Variants in SLC24A3 observed in about 807,000 individuals in gnomAD.
SLC24A3 encodes the protein sodium/potassium/calcium exchanger 3.
In SLC24A3, 28 loss-of-function variants were observed where a neutral mutation model predicts 75.8. That is an observed-to-expected ratio of 0.37 (90% confidence interval 0.27 to 0.51). The LOEUF is 0.51. Ranked by LOEUF, SLC24A3 falls within the 20% of genes least tolerant of loss-of-function variation. The probability of loss-of-function intolerance (pLI) is 0.94; values close to 1 mark genes in which losing one functional copy is unlikely to be tolerated. For missense variants in SLC24A3, 663 were observed against 847.8 expected, an observed-to-expected ratio of 0.78 and a Z score of 2.71; for synonymous variants, 372 against 334.1, an observed-to-expected ratio of 1.11 and a Z score of -1.24.
At chr20:19,242,868 A>G (rs1369875026) in intron 1 of SLC24A3, among the ~76,000 whole-genome samples, 4 of 152,260 alleles carry the variant, frequency 2.6e-5, no homozygotes, top group Non-Finnish European at 5.9e-5. Flanking sequence ...GTCAATTTAC[A>G]GAGTTGTAAA....
intron 2 of SLC24A3, among the ~76,000 whole-genome samples, chr20:19,312,167 G>C (rs895439517): frequency 3.3e-5 from 5 of 152,170 alleles, no homozygotes; most frequent in African/African-American, 4.8e-5. Context: ...CCCTCAGTGA[G>C]ATCCCAGCAT....
chr20:19,393,926 G>A (rs936668272), intron 2 of SLC24A3, among the ~76,000 whole-genome samples: 2 of 152,148 alleles, frequency 1.3e-5, no homozygotes, highest in African/African-American at 2.4e-5. Flanking sequence ...AAAGAATGAA[G>A]TTGGAAGTCT....
At chr20:19,330,375 T>C (rs1042258286) in intron 2 of SLC24A3, among the ~76,000 whole-genome samples, 20 of 152,198 alleles carry the variant, frequency 1.3e-4, no homozygotes, top group African/African-American at 4.8e-4. Context: ...AAACGCTTAT[T>C]TCCCCATTAA....
At chr20:19,387,272 T>G (rs375267800) in intron 2 of SLC24A3, among the ~76,000 whole-genome samples, 2 of 152,030 alleles carry the variant, frequency 1.3e-5, no homozygotes, top group South Asian at 4.1e-4. Context: ...TTATTTATCT[T>G]TTTGAAAAAC....
At chr20:19,667,217 C>A (rs1600329793) in intron 8 of SLC24A3, among the ~76,000 whole-genome samples, 1 of 152,296 alleles carries the variant, frequency 6.6e-6, no homozygotes, top group Non-Finnish European at 1.5e-5. Flanking sequence ...GATACTTTTG[C>A]TAACTCTCCT....
At chr20:19,306,401 A>C (rs1189397180) in intron 2 of SLC24A3, among the ~76,000 whole-genome samples, 1 of 152,202 alleles carries the variant, frequency 6.6e-6, no homozygotes, top group African/African-American at 2.4e-5. Context: ...ATAGGTACTC[A>C]TATGTTCATT....
chr20:19,298,350 T>C (rs142026656), intron 2 of SLC24A3, among the ~76,000 whole-genome samples: 2 of 152,354 alleles, frequency 1.3e-5, no homozygotes, highest in African/African-American at 4.8e-5. Context: ...GATTCTTTTT[T>C]ATGTGTTGGT....
At chr20:19,235,843 G>T (rs1982151091) in intron 1 of SLC24A3, among the ~76,000 whole-genome samples, 1 of 152,212 alleles carries the variant, frequency 6.6e-6, no homozygotes, top group South Asian at 2.1e-4. Context: ...GGAGCCTCCA[G>T]ATTTCTGCTC....
At chr20:19,285,477 CAAAAAAA>C (rs35866612) in intron 2 of SLC24A3, among the ~76,000 whole-genome samples, 67 of 43,038 alleles carry the variant, frequency 1.6e-3, no homozygotes, top group Middle Eastern at 0.024. Context: ...GACCCTGTCT[CAAAAAAA>C]AAAAAAAAAA....
At chr20:19,341,657 C>T (rs773220461) in intron 2 of SLC24A3, among the ~76,000 whole-genome samples, 9 of 152,198 alleles carry the variant, frequency 5.9e-5, no homozygotes, top group Admixed American at 1.3e-4. Flanking sequence ...CACCCAGGAA[C>T]GCTAATTTGG....
At chr20:19,589,033 C>T (rs921663128) in intron 6 of SLC24A3, among the ~76,000 whole-genome samples, 1 of 152,188 alleles carries the variant, frequency 6.6e-6, no homozygotes, top group South Asian at 2.1e-4. Flanking sequence ...AATACTGGCT[C>T]GTTTAAACAA....
chr20:19,650,080 T>G (rs1472298051), intron 6 of SLC24A3, among the ~76,000 whole-genome samples: 1 of 152,192 alleles, frequency 6.6e-6, no homozygotes, highest in Non-Finnish European at 1.5e-5. Flanking sequence ...TGTGAATTAT[T>G]TGGGTGTATG....
intron 6 of SLC24A3, among the ~76,000 whole-genome samples, chr20:19,636,978 A>C (rs1247668264): frequency 2.6e-5 from 4 of 152,246 alleles, no homozygotes; most frequent in African/African-American, 7.2e-5. Flanking sequence ...AAGAAGAAGA[A>C]GACGGCAGTA....
chr20:19,576,807 G>A (rs189741089), intron 3 of SLC24A3, among the ~76,000 whole-genome samples: 17 of 152,268 alleles, frequency 1.1e-4, no homozygotes, highest in African/African-American at 4.1e-4. Flanking sequence ...AGTGTTGGCT[G>A]TTTCAGTGAG....
chr20:19,227,936 G>T (rs1479535468), intron 1 of SLC24A3, among the ~76,000 whole-genome samples: 1 of 151,896 alleles, frequency 6.6e-6, no homozygotes, highest in African/African-American at 2.4e-5. Context: ...TGGAAAAATG[G>T]CATTTTATAA....
chr20:19,212,865 A>G lies in SLC24A3; in HGVS notation c.23A>G (p.Asp8Gly), dbSNP rs577960314. The G allele has an allele frequency of 1.5e-4, 181 of 1,222,964 alleles. 1 individual carries two copies. The Middle Eastern group carries it at 2.6e-3, about 17-fold the overall frequency. 75.8% of individuals were successfully genotyped at this position (1,222,964 alleles called of 1,614,324 possible). A position where few individuals can be genotyped will look rare whatever the true frequency, so the allele number is the denominator to read the frequency against. Reference protein sequence around the residue: MRPSGDEDRARRRRRRRR... With the variant: MRPSGDEGRARRRRRRRR... ...AGGATGCGGCCGTCCGGCGACGAGG[A>G]CCGCGCGCGTCGCCGCCGCCGCCGC... Residue 8 changes from aspartate to glycine, a missense_variant, in exon 1 of 17, where the codon GAC becomes GGC. Asp to Gly is a moderately conservative substitution (Grantham distance 94). Coordinates refer to ENST00000328041, the MANE Select transcript of SLC24A3 (RefSeq NM_020689.4).
At chr20:19,509,247 T>C (rs1988502262) in intron 2 of SLC24A3, among the ~76,000 whole-genome samples, 2 of 152,170 alleles carry the variant, frequency 1.3e-5, no homozygotes, top group Non-Finnish European at 2.9e-5. Context: ...TGGGATCTTA[T>C]TCAAAATCTA....
At chr20:19,296,464 T>C (rs550535919) in intron 2 of SLC24A3, among the ~76,000 whole-genome samples, 1 of 152,170 alleles carries the variant, frequency 6.6e-6, no homozygotes, top group East Asian at 1.9e-4. Context: ...AAGATCTTTC[T>C]AGCTTTTCGA....
chr20:19,549,587 C>A (rs1190374552), intron 3 of SLC24A3, among the ~76,000 whole-genome samples: 1 of 152,164 alleles, frequency 6.6e-6, no homozygotes, highest in Non-Finnish European at 1.5e-5. Flanking sequence ...AGTTCAAAAC[C>A]AGCTTGGCCA....
Sources: gnomAD v4.1 joint callset for allele counts (sites outside exome capture counted in the v4.1 genomes callset) on GRCh38, gnomAD v4.1.1 for gene constraint, MANE v1.5 for transcripts, NCBI Gene and HGNC (gene_info 2026-07-23, HGNC 2026-07-21) for gene names.